Variants in CT83 observed in about 807,000 individuals in gnomAD.
CT83 encodes the protein kita-kyushu lung cancer antigen 1.
Under a neutral mutation model 1.7 loss-of-function variants are expected in CT83, and 3 were observed. The ratio of observed to expected loss-of-function variants is 1.76; its 90% confidence interval spans 0.80 to 4.55. The LOEUF is 4.55. CT83 is among the 30% of genes most tolerant of loss of function. CT83 has a pLI of 0.02. For synonymous variants in CT83, 35 were observed against 33.0 expected (o/e 1.06, Z -0.20); for missense variants, 80 against 84.8 (o/e 0.94, Z 0.22).
chrX:116,462,502 A>C (rs911063934), intron 1 of CT83, among the ~76,000 whole-genome samples: 1 of 111,712 alleles, frequency 9.0e-6, no homozygotes, highest in Non-Finnish European at 1.9e-5. Flanking sequence ...ATGGGCACTG[A>C]CAACTGCACT....
chrX:116,462,286 C>A (rs1928082372), intron 1 of CT83, among the ~76,000 whole-genome samples: 2 of 111,510 alleles, frequency 1.8e-5, no homozygotes, highest in Admixed American at 1.9e-4. Flanking sequence ...AACATATGAA[C>A]CCTTGTCTTT....
rs1928078851 is a variant in CT83, at chrX:116,462,115, C to T, written c.76-108G>A. The stretch of plus-strand genomic sequence containing the variant: ...GGTCACCAAAATAAACTGATTTCCC[C>T]TAATATGTCGAGATTAAAAATGTAT... On this transcript the variant is annotated intron_variant, in intron 1 of 1. Transcript: ENST00000371894. 6.5e-6 allele frequency: 4 copies of T among 611,217 alleles called. No individual in the cohort carries two copies. The Middle Eastern group carries it at 1.1e-3, about 171-fold the overall frequency. 50.4% of individuals were successfully genotyped at this position (611,217 alleles called of 1,213,427 possible).
chrX:116,462,075 A>T, intron 1 of CT83, 68 bp from the exon 2 acceptor site: 2 of 834,611 alleles, frequency 2.4e-6, no homozygotes, highest in South Asian at 2.5e-5. Context: ...ACCGAAAAAC[A>T]ACTTGTTTAA....
At position 116,462,770 on chromosome X, in the gene CT83, A is replaced by G. The variant is rs368674888; in HGVS notation, c.75+12T>C. ...TTCATCTAATTCAAATCTCCCTTAC[A>G]TTCACCATTACCTGAAAGCGGCGAT... On this transcript the variant is annotated intron_variant, in intron 1 of 1. Coordinates refer to ENST00000371894, the MANE Select transcript of CT83 (RefSeq NM_001017978.4). 5.8e-6 allele frequency: 7 copies of G among 1,205,152 alleles called. No homozygotes were observed. In the African/African-American group the frequency reaches 1.2e-4, roughly 21 times the overall value.
At position 116,461,765 on chromosome X, in the gene CT83, T is replaced by C; in HGVS notation, c.318A>G (p.Ala106=). 2.5e-6 allele frequency: 3 copies of C among 1,211,690 alleles called. No individual in the cohort carries two copies. The highest frequency in any genetic ancestry group is 3.4e-6 in the Non-Finnish European group (3 of 895,296). The stretch of plus-strand genomic sequence containing the variant: ...TTTAGGTGGATTTCCGGTGAGGTGA[T>C]GCACCTCTGAAACCCTTGCTAAGTA... The part of the protein sequence containing the change: ...HTLLSKGFRG[A]SPHRKST The change falls in exon 2 of 2, where the codon GCA becomes GCG. Residue 106 remains alanine, a synonymous_variant. Coordinates refer to ENST00000371894, the MANE Select transcript of CT83 (RefSeq NM_001017978.4).
intron 1 of CT83, 25 bp downstream of exon 1, chrX:116,462,757 A>C: frequency 1.7e-6 from 2 of 1,199,706 alleles, no homozygotes; most frequent in Non-Finnish European, 2.3e-6. Flanking sequence ...CATCTAATTC[A>C]AATCTCCCTT....
At chrX:116,462,480 T>C (rs1392446059) in intron 1 of CT83, among the ~76,000 whole-genome samples, 1 of 111,176 alleles carries the variant, frequency 9.0e-6, no homozygotes, top group East Asian at 2.9e-4. Context: ...AGTGGAGAGA[T>C]GGTGGTGGGG....
At chrX:116,462,139 A>G (rs1381744826) in intron 1 of CT83, 132 bp from the exon 2 acceptor site, 18 of 513,316 alleles carry the variant, frequency 3.5e-5, no homozygotes, top group Non-Finnish European at 4.8e-5. Context: ...TTAAAAATGT[A>G]TTGAATTACT....
At chrX:116,462,729 C>T in intron 1 of CT83, 53 bp downstream of exon 1, 2 of 1,100,133 alleles carry the variant, frequency 1.8e-6, no homozygotes, top group Non-Finnish European at 1.3e-6. Flanking sequence ...CTCCCAAGTC[C>T]ATATACTCAT....
chrX:116,462,711 C>A, intron 1 of CT83, 71 bp downstream of exon 1: 1 of 1,012,860 alleles, frequency 9.9e-7, no homozygotes, highest in Non-Finnish European at 1.4e-6. Flanking sequence ...TACTCTCTTA[C>A]ATATACACTC....
At position 116,461,778 on chromosome X, in the gene CT83, C is replaced by T. The variant is rs1928065903; in HGVS notation, c.305G>A (p.Gly102Asp). ...CCGGTGAGGTGATGCACCTCTGAAA[C>T]CCTTGCTAAGTAGAGTATGTTCCAG... ...VELEHTLLSK[G>D]FRGASPHRKS... Residue 102 changes from glycine to aspartate, a missense_variant, in exon 2 of 2, where the codon GGT becomes GAT. Physicochemically the swap from Gly to Asp is moderately conservative, Grantham distance 94. Transcript: ENST00000371894. 2 of 1,209,875 alleles carry T rather than the reference C, an allele frequency of 1.7e-6. No individual in the cohort carries two copies. The highest frequency in any genetic ancestry group is 2.2e-6 in the Non-Finnish European group (2 of 895,204).
Position 116,461,871 on chromosome X carries a change from G to A in CT83, c.212C>T (p.Pro71Leu), listed in dbSNP as rs1928070480. ...DLSRDILNNF[P>L]HSIARQKRIL... The stretch of plus-strand genomic sequence containing the variant: ...TCGCTTCTGCCTGGCTATTGAGTGT[G>A]GGAAATTATTTAAAATATCCCGAGA... The change falls in exon 2 of 2, where the codon CCA (proline) becomes CTA (leucine). Residue 71 changes from proline (P) to leucine (L), a missense_variant. Transcript: ENST00000371894. 8.3e-7 allele frequency: 1 copy of A among 1,209,138 alleles called. No homozygotes were observed. The highest frequency in any genetic ancestry group is 1.1e-6 in the Non-Finnish European group (1 of 894,997).
rs782251724 is a variant in CT83 at position 116,461,829 on chromosome X, C to T, written c.254G>A (p.Ser85Asn). The T allele has an allele frequency of 1.7e-6, 2 of 1,210,705 alleles. No individual in the cohort carries two copies. Among genetic ancestry groups the T allele is most frequent in the Admixed American group, 4.3e-5 (2 of 45,986 alleles). Residue 85 changes from serine to asparagine, a missense_variant, in exon 2 of 2, where the codon AGT becomes AAT. Ser to Asn is a conservative substitution (Grantham distance 46). Transcript: ENST00000371894. ...ARQKRILVNL[S>N]MVENKLVELE... ...TTCAACCAGCTTGTTTTCCACCATA[C>T]TGAGGTTTACCAATATTCGCTTCTG...
Position 116,461,753 on chromosome X carries a change from C to T in CT83, c.330G>A (p.Arg110=), listed in dbSNP as rs267606323. The T allele has an allele frequency of 8.3e-7, 1 of 1,209,480 alleles. No homozygotes were observed. Among genetic ancestry groups the T allele is most frequent in the Non-Finnish European group, 1.1e-6 (1 of 895,002 alleles). ...ATCCTGTACGCTTTTAGGTGGATTT[C>T]CGGTGAGGTGATGCACCTCTGAAAC... ...SKGFRGASPH[R]KST The change falls in exon 2 of 2, where the codon CGG becomes CGA. Residue 110 remains arginine, a synonymous_variant. Transcript: ENST00000371894.
At position 116,461,868 on chromosome X, in the gene CT83, T is replaced by C; in HGVS notation, c.215A>G (p.His72Arg). 8.3e-7 allele frequency: 1 copy of C among 1,211,107 alleles called. No homozygotes were observed. Among genetic ancestry groups the C allele is most frequent in the Non-Finnish European group, 1.1e-6 (1 of 895,224 alleles). The change falls in exon 2 of 2, where the codon CAC becomes CGC. Residue 72 changes from histidine (H) to arginine (R), a missense_variant. By Grantham distance (29) the His-to-Arg change is conservative. Transcript: ENST00000371894. Reference sequence around the variant, plus strand: ...TATTCGCTTCTGCCTGGCTATTGAGTGTGGGAAATTATTTAAAATATCCCG... The same window carrying C: ...TATTCGCTTCTGCCTGGCTATTGAGCGTGGGAAATTATTTAAAATATCCCG... ...LSRDILNNFP[H>R]SIARQKRILV...
chrX:116,461,906 G>GAGGTTCTC lies in CT83; in HGVS notation c.176_177insGAGAACCT (p.Tyr60ArgfsTer11), dbSNP rs1237596572. The GAGGTTCTC allele has an allele frequency of 1.7e-6, 2 of 1,208,728 alleles. No individual in the cohort carries two copies. Among genetic ancestry groups the GAGGTTCTC allele is most frequent in the African/African-American group, 3.5e-5 (2 of 57,021 alleles). On this transcript the variant is annotated frameshift_variant, in exon 2 of 2. Coordinates refer to ENST00000371894, the MANE Select transcript of CT83 (RefSeq NM_001017978.4). LOFTEE classifies it low-confidence loss of function (END_TRUNC). ...TTAAAATATCCCGAGAGAGGTCGTA[G>GAGGTTCTC]ACTGCAAGATTGTTGTCTGTATTGC... is the stretch of plus-strand genomic sequence containing the variant.
rs1928067233 is a variant in CT83, at chrX:116,461,807, A to G, written c.276T>C (p.Val92=). The change falls in exon 2 of 2, where the codon GTT becomes GTC. Residue 92 remains valine, a synonymous_variant. Transcript: ENST00000371894. ...VNLSMVENKL[V]ELEHTLLSKG... The stretch of plus-strand genomic sequence containing the variant: ...TGCTAAGTAGAGTATGTTCCAGTTC[A>G]ACCAGCTTGTTTTCCACCATACTGA... The G allele has an allele frequency of 1.7e-6, 2 of 1,209,388 alleles. No homozygotes were observed. Among genetic ancestry groups the G allele is most frequent in the Non-Finnish European group, 1.1e-6 (1 of 894,869 alleles).
At position 116,462,823 on chromosome X, in the gene CT83, G is replaced by A. The variant is rs782743164; in HGVS notation, c.34C>T (p.Leu12=). Reference sequence around the variant, plus strand: ...TTCCAGAAGACAATCAAGGCACACAGAATGCTGCTCGCTAGGAGTAAATAG... The same window carrying A: ...TTCCAGAAGACAATCAAGGCACACAAAATGCTGCTCGCTAGGAGTAAATAG... ...NFYLLLASSI[L]CALIVFWKYR... The change falls in exon 1 of 2, where the codon CTG becomes TTG. Residue 12 remains leucine (L), a synonymous_variant. Transcript: ENST00000371894. The A allele has an allele frequency of 8.8e-5, 106 of 1,209,951 alleles. 1 individual carries two copies. The highest frequency in any genetic ancestry group is 8.9e-5 in the Non-Finnish European group (80 of 895,103).
rs1928070792 is a variant in CT83 at position 116,461,884 on chromosome X, A to C, written c.199T>G (p.Leu67Val). 8.3e-7 allele frequency: 1 copy of C among 1,209,096 alleles called. No individual in the cohort carries two copies. Among genetic ancestry groups the C allele is most frequent in the Non-Finnish European group, 1.1e-6 (1 of 894,841 alleles). The change falls in exon 2 of 2, where the codon TTA becomes GTA. Residue 67 changes from leucine (L) to valine (V), a missense_variant. Coordinates refer to ENST00000371894, the MANE Select transcript of CT83 (RefSeq NM_001017978.4). ...LAVYDLSRDI[L>V]NNFPHSIARQ... is the part of the protein sequence containing the mutation. ...GCTATTGAGTGTGGGAAATTATTTA[A>C]AATATCCCGAGAGAGGTCGTAGACT...
Sources: gnomAD v4.1 joint callset for allele counts (sites outside exome capture counted in the v4.1 genomes callset) on GRCh38, gnomAD v4.1.1 for gene constraint, MANE v1.5 for transcripts, NCBI Gene and HGNC (gene_info 2026-07-23, HGNC 2026-07-21) for gene names.